The following LOXHD1 variants were observed in gnomAD, a reference collection of about 807,000 sequenced individuals.
LOXHD1 encodes lipoxygenase homology domain-containing protein 1.
Under a neutral mutation model 248.2 loss-of-function variants are expected in LOXHD1, and 205 were observed. The ratio of observed to expected loss-of-function variants is 0.83; its 90% CI spans 0.74 to 0.93. The LOEUF is 0.93. LOXHD1 is among the 40% of genes least tolerant of loss of function. LOXHD1 has a pLI of 0.00. For missense variants in LOXHD1, 2,930 were observed against 2,971.6 expected (o/e 0.99, Z 0.33); for synonymous variants, 1,113 against 1,162.8 (o/e 0.96, Z 0.87).
intron 37 of LOXHD1, among the ~76,000 whole-genome samples, chr18:46,494,849 CTTTTTTTTTTTTT>C: frequency 1.0e-5 from 1 of 96,554 alleles, no homozygotes; most frequent in South Asian, 3.9e-4. Context: ...TTCTCTCTCT[CTTTTTTTTTTTTT>C]TTTTTTTTTG....
intron 29 of LOXHD1, among the ~76,000 whole-genome samples, chr18:46,525,728 G>A (rs2035798921): frequency 6.6e-6 from 1 of 152,126 alleles, no homozygotes; most frequent in Admixed American, 6.5e-5. Flanking sequence ...GGGGACAGGT[G>A]ACACTGAGGG....
At chr18:46,623,758 C>G (rs1403833362) in intron 4 of LOXHD1, among the ~76,000 whole-genome samples, 1 of 152,254 alleles carries the variant, frequency 6.6e-6, no homozygotes, top group Non-Finnish European at 1.5e-5. Flanking sequence ...CAGCCACCCC[C>G]ACAGCCTCCC....
intron 2 of LOXHD1, among the ~76,000 whole-genome samples, chr18:46,647,280 G>A (rs766296441): frequency 3.3e-5 from 5 of 152,154 alleles, no homozygotes; most frequent in Admixed American, 6.5e-5. Context: ...GCTGGAACCC[G>A]AACTCCTGGG....
rs905785369 is a variant in LOXHD1, at chr18:46,577,759, C to T, written c.1918G>A (p.Val640Met). 6.4e-6 allele frequency: 10 copies of T among 1,551,602 alleles called. No homozygotes were observed. The Admixed American group carries it at 1.2e-4, about 18-fold the overall frequency. The stretch of plus-strand genomic sequence containing the variant: ...CTCTCAGGCTGCCCCTCCTCTCTCA[C>T]CAGCACTCTGTCCAGGTACCAGCCG... Reference protein sequence around the residue: ...GSGWYLDRVLVREEGQPESDN... With the variant: ...GSGWYLDRVLMREEGQPESDN... Residue 640 changes from valine (V) to methionine (M), a missense_variant, in exon 14 of 41, where the codon GTG becomes ATG. Coordinates refer to ENST00000642948, the MANE Select transcript of LOXHD1 (RefSeq NM_001384474.1).
chr18:46,569,673 G>A (rs2037714209), intron 15 of LOXHD1, 35 bp from the exon 16 acceptor site: 1 of 1,516,382 alleles, frequency 6.6e-7, no homozygotes, highest in Non-Finnish European at 8.9e-7. Context: ...GAAGGGAAGG[G>A]GTTAGTGCAG....
intron 39 of LOXHD1, 89 bp from the exon 40 acceptor site, chr18:46,483,834 T>A: frequency 6.9e-7 from 1 of 1,439,560 alleles, no homozygotes; most frequent in Admixed American, 2.1e-5. Context: ...TTCCAAGCAG[T>A]GGGCCAGGGA....
intron 4 of LOXHD1, among the ~76,000 whole-genome samples, chr18:46,621,152 TG>T (rs2038663298): frequency 6.6e-6 from 1 of 152,156 alleles, no homozygotes; most frequent in Admixed American, 6.5e-5. Context: ...GAACTTTCTA[TG>T]GCAGATGGGG....
At chr18:46,597,387 T>C (rs1272528297) in intron 8 of LOXHD1, among the ~76,000 whole-genome samples, 1 of 152,138 alleles carries the variant, frequency 6.6e-6, no homozygotes, top group East Asian at 1.9e-4. Flanking sequence ...CAGAGATAAA[T>C]AGTATCAGAT....
intron 37 of LOXHD1, among the ~76,000 whole-genome samples, chr18:46,490,706 C>G (rs1364406436): frequency 1.3e-5 from 2 of 152,198 alleles, no homozygotes; most frequent in Non-Finnish European, 2.9e-5. Flanking sequence ...AACTCCCGAA[C>G]TCAGGTGATC....
intron 4 of LOXHD1, among the ~76,000 whole-genome samples, chr18:46,628,217 TC>T (rs1287825806): frequency 1.1e-4 from 16 of 152,210 alleles, no homozygotes; most frequent in Admixed American, 9.8e-4. Context: ...CCTTAAATTC[TC>T]TGATGTGCCA....
chr18:46,580,728 G>T (rs1599024557), intron 12 of LOXHD1, among the ~76,000 whole-genome samples: 1 of 152,312 alleles, frequency 6.6e-6, no homozygotes, highest in East Asian at 1.9e-4. Flanking sequence ...ACAGTGGAGG[G>T]ACATCTTGGA....
chr18:46,607,043 G>A (rs1431069490), intron 6 of LOXHD1, among the ~76,000 whole-genome samples: 1 of 151,956 alleles, frequency 6.6e-6, no homozygotes, highest in African/African-American at 2.4e-5. Flanking sequence ...GCGGGCACCT[G>A]TAATCCCAGC....
chr18:46,477,670 CAGG>C lies in LOXHD1; in HGVS notation c.6621_6623del (p.Phe2207del). The C allele has an allele frequency of 6.4e-7, 1 of 1,551,872 alleles. No individual in the cohort carries two copies. The highest frequency in any genetic ancestry group is 8.7e-7 in the Non-Finnish European group (1 of 1,147,046). ...GCAGCTCACCCAGCTCCAGCGTCTC[CAGG>C]AAGAAGCGGTCTGTGCTGCCCCGCT... On this transcript the variant is annotated inframe_deletion, in exon 41 of 41. Transcript: ENST00000642948.
chr18:46,493,430 A>G (rs369571771), intron 37 of LOXHD1, among the ~76,000 whole-genome samples: 1 of 152,236 alleles, frequency 6.6e-6, no homozygotes, highest in African/African-American at 2.4e-5. Flanking sequence ...CTAGGTTGTA[A>G]GCCCCTTGAG....
chr18:46,646,933 C>T (rs1196532275), intron 2 of LOXHD1, among the ~76,000 whole-genome samples: 1 of 152,230 alleles, frequency 6.6e-6, no homozygotes, highest in African/African-American at 2.4e-5. Flanking sequence ...TCCATCACTC[C>T]TCGAAGCCCC....
chr18:46,623,016 C>T (rs907713473), intron 4 of LOXHD1, among the ~76,000 whole-genome samples: 4 of 152,136 alleles, frequency 2.6e-5, no homozygotes, highest in African/African-American at 4.8e-5. Flanking sequence ...TTGTGGAAAT[C>T]GTCACCCAAG....
Position 46,557,482 on chromosome 18 carries a change from G to A in LOXHD1, c.3224C>T (p.Thr1075Ile), listed in dbSNP as rs531695274. The A allele has an allele frequency of 1.9e-6, 3 of 1,551,776 alleles. No individual in the cohort carries two copies. Among genetic ancestry groups the A allele is most frequent in the South Asian group, 2.4e-5 (2 of 84,054 alleles). The change falls in exon 21 of 41, where the codon ACC becomes ATC. Residue 1075 changes from threonine to isoleucine, a missense_variant. Coordinates refer to ENST00000642948, the MANE Select transcript of LOXHD1 (RefSeq NM_001384474.1). Reference sequence around the variant, plus strand: ...CAGGTCAATGGCATAGATGGTGAAGGTGTCTGTCTGGGAAGGGCCAGGGAA... The same window carrying A: ...CAGGTCAATGGCATAGATGGTGAAGATGTCTGTCTGGGAAGGGCCAGGGAA... ...SNKFEQGQTD[T>I]FTIYAIDLGA...
At chr18:46,646,675 C>T (rs2039035038) in intron 2 of LOXHD1, among the ~76,000 whole-genome samples, 1 of 152,186 alleles carries the variant, frequency 6.6e-6, no homozygotes, top group African/African-American at 2.4e-5. Flanking sequence ...CCCATCAGCC[C>T]GCAGCGCTCA....
At chr18:46,518,891 G>A in intron 33 of LOXHD1, 2 of 985,658 alleles carry the variant, frequency 2.0e-6, no homozygotes, top group Non-Finnish European at 1.2e-6. Context: ...AGGGAGCACT[G>A]CCTCAATCCA....
Sources: allele counts gnomAD v4.1 joint callset (sites outside exome capture counted in the v4.1 genomes callset), GRCh38; gene constraint gnomAD v4.1.1; transcripts MANE v1.5; gene names NCBI Gene and HGNC (gene_info 2026-07-23, HGNC 2026-07-21).